CLOCK: variants seen among roughly 807,000 people sequenced by gnomAD.
CLOCK encodes the protein clock circadian regulator.
CLOCK carries 43 observed loss-of-function variants against 118.4 expected under a neutral mutation model. That is an observed-to-expected ratio of 0.36 (90% CI 0.28 to 0.47). The LOEUF is 0.47. Ranked by LOEUF, CLOCK falls within the 20% of genes least tolerant of loss-of-function variation. The pLI, the probability that CLOCK is intolerant of heterozygous loss-of-function variation, is 1.00. For synonymous variants in CLOCK, 326 were observed against 339.2 expected (o/e 0.96, Z 0.43); for missense variants, 846 against 999.9 (o/e 0.85, Z 2.08).
chr4:55,471,132 A>G (rs1383812710), intron 7 of CLOCK, among the ~76,000 whole-genome samples: 2 of 152,342 alleles, frequency 1.3e-5, no homozygotes, highest in East Asian at 3.9e-4. Context: ...GAAGATGCTA[A>G]TGTCTCCAAA....
chr4:55,522,888 T>C (rs1366956190), intron 1 of CLOCK, among the ~76,000 whole-genome samples: 1 of 152,104 alleles, frequency 6.6e-6, no homozygotes, highest in Non-Finnish European at 1.5e-5. Context: ...TATGGTCATA[T>C]AAAAAAGATT....
At chr4:55,459,921 A>C (rs13133579) in intron 9 of CLOCK, among the ~76,000 whole-genome samples, 1 of 152,042 alleles carries the variant, frequency 6.6e-6, no homozygotes, top group African/African-American at 2.4e-5. Context: ...CTCAAAGTGG[A>C]GGGATTATAG....
At chr4:55,487,209 C>A (rs1451389628) in intron 3 of CLOCK, among the ~76,000 whole-genome samples, 2 of 152,082 alleles carry the variant, frequency 1.3e-5, no homozygotes, top group Admixed American at 1.3e-4. Context: ...TCTCCATTTC[C>A]CCTAACTTGG....
rs1022534174 is a variant in CLOCK, at chr4:55,429,083, C to T, written c.*6332G>A. 2.0e-5 allele frequency: 3 copies of T among 148,512 alleles called. No individual in the cohort carries two copies. The highest frequency in any genetic ancestry group is 7.4e-5 in the African/African-American group (3 of 40,386). The allele number at this position is 148,512 out of a possible 1,614,324, so 9.2% of individuals were successfully genotyped here. The stretch of plus-strand genomic sequence containing the variant: ...ATCTGAAGGTAACAACTTATTTTAA[C>T]TTAACTACTGGCATAACCATTGCCA... On this transcript the variant is annotated 3_prime_UTR_variant, in exon 23 of 23. Coordinates refer to ENST00000513440, the MANE Select transcript of CLOCK (RefSeq NM_004898.4).
intron 1 of CLOCK, among the ~76,000 whole-genome samples, chr4:55,538,164 T>TA (rs1296775258): frequency 2.0e-5 from 3 of 152,092 alleles, no homozygotes; most frequent in Non-Finnish European, 4.4e-5. Context: ...AGAACAATAA[T>TA]AGAGTATTAT....
intron 22 of CLOCK, 24 bp from the exon 23 acceptor site, chr4:55,435,618 G>C: frequency 6.2e-7 from 1 of 1,612,224 alleles, no homozygotes; most frequent in East Asian, 2.2e-5. Flanking sequence ...GGATTATGCA[G>C]CATTGCTTTA....
intron 21 of CLOCK, among the ~76,000 whole-genome samples, chr4:55,441,478 C>T (rs1042780110): frequency 1.3e-5 from 2 of 152,110 alleles, no homozygotes; most frequent in African/African-American, 4.8e-5. Flanking sequence ...ATGGAATCAA[C>T]CTAAGTGCCC....
intron 3 of CLOCK, among the ~76,000 whole-genome samples, chr4:55,485,949 T>C (rs1342983241): frequency 2.0e-5 from 3 of 152,106 alleles, no homozygotes; most frequent in Non-Finnish European, 4.4e-5. Context: ...AAGGATCAAG[T>C]TACAGCTAGG....
chr4:55,518,692 C>T (rs1317271732), intron 1 of CLOCK, among the ~76,000 whole-genome samples: 1 of 152,196 alleles, frequency 6.6e-6, no homozygotes, highest in African/African-American at 2.4e-5. Flanking sequence ...TGTGAGGACA[C>T]AGCAACAAGG....
rs1166819249 is a variant in CLOCK at position 55,537,362 on chromosome 4, T to C, written c.-290+9420A>G. Among the ~76,000 whole-genome samples the C allele has an allele frequency of 5.3e-5, 8 of 152,260 alleles. No homozygotes were observed. The Middle Eastern group carries it at 0.017, about 324-fold the overall frequency. On this transcript the variant is annotated intron_variant, in intron 1 of 22. Coordinates refer to ENST00000513440, the MANE Select transcript of CLOCK (RefSeq NM_004898.4). ...GGCCAGGTGTGGTGGCTTACACCTGTAATCCTAGCACTTTGGGAGGCTGAG... is the reference window on the plus strand; with the variant it reads ...GGCCAGGTGTGGTGGCTTACACCTGCAATCCTAGCACTTTGGGAGGCTGAG...
intron 1 of CLOCK, among the ~76,000 whole-genome samples, chr4:55,534,378 T>A (rs1056500968): frequency 2.6e-5 from 4 of 152,100 alleles, no homozygotes; most frequent in Admixed American, 2.0e-4. Flanking sequence ...ATAAACCTAA[T>A]GAATACTGAT....
intron 9 of CLOCK, among the ~76,000 whole-genome samples, chr4:55,463,393 AACT>A (rs1452914078): frequency 6.6e-6 from 1 of 152,236 alleles, no homozygotes; most frequent in African/African-American, 2.4e-5. Flanking sequence ...ATAAATTAAT[AACT>A]ATATATTGCC....
At chr4:55,523,091 C>G (rs997270935) in intron 1 of CLOCK, among the ~76,000 whole-genome samples, 2 of 151,650 alleles carry the variant, frequency 1.3e-5, no homozygotes, top group African/African-American at 4.8e-5. Context: ...GTCAGGAGAT[C>G]GAGACCATCC....
chr4:55,456,325 T>C (rs1176942278), intron 11 of CLOCK, 25 bp from the exon 12 acceptor site: 5 of 1,398,818 alleles, frequency 3.6e-6, no homozygotes, highest in Non-Finnish European at 4.0e-6. Flanking sequence ...TTAAAATTTA[T>C]AAATACTTTG....
At chr4:55,464,306 C>T (rs1475975930) in intron 8 of CLOCK, among the ~76,000 whole-genome samples, 1 of 152,056 alleles carries the variant, frequency 6.6e-6, no homozygotes, top group African/African-American at 2.4e-5. Flanking sequence ...TTTAGTTATC[C>T]CCCCTCAAAA....
At chr4:55,440,992 A>G (rs1723323562) in intron 21 of CLOCK, among the ~76,000 whole-genome samples, 1 of 152,118 alleles carries the variant, frequency 6.6e-6, no homozygotes. Context: ...AAAACACAAC[A>G]CAACAAAAAA....
chr4:55,500,725 A>G (rs1412422308), intron 2 of CLOCK, among the ~76,000 whole-genome samples: 1 of 152,204 alleles, frequency 6.6e-6, no homozygotes, highest in African/African-American at 2.4e-5. Context: ...CCATTTCCCA[A>G]TTAAATTTCA....
chr4:55,501,410 A>T (rs1447072740), intron 2 of CLOCK, among the ~76,000 whole-genome samples: 1 of 152,060 alleles, frequency 6.6e-6, no homozygotes, highest in Non-Finnish European at 1.5e-5. Flanking sequence ...ATTTATTTAT[A>T]TTAAAATTTC....
chr4:55,435,711 A>T (rs978570626), intron 22 of CLOCK, 117 bp from the exon 23 acceptor site: 14 of 1,020,316 alleles, frequency 1.4e-5, no homozygotes, highest in Non-Finnish European at 2.0e-5. Context: ...TACATAATGC[A>T]TATCACTTTC....
Sources: allele counts gnomAD v4.1 joint callset (sites outside exome capture counted in the v4.1 genomes callset), GRCh38; gene constraint gnomAD v4.1.1; transcripts MANE v1.5; gene names NCBI Gene and HGNC (gene_info 2026-07-23, HGNC 2026-07-21).